PGM2: variants seen among roughly 807,000 people sequenced by gnomAD.
PGM2 encodes the protein phosphopentomutase.
In PGM2, 57 loss-of-function variants were observed where a neutral mutation model predicts 74.6. The observed-to-expected ratio is 0.76, with a 90% CI of 0.62 to 0.95. The LOEUF (loss-of-function observed/expected upper bound fraction) is 0.95. PGM2 is among the 40% of genes least tolerant of loss of function. PGM2 has a pLI of 0.00. For missense variants in PGM2, 706 were observed against 741.9 expected (o/e 0.95, Z 0.56); for synonymous variants, 273 against 260.7 (o/e 1.05, Z -0.46).
chr4:37,840,960 G>GTATATATA (rs67564871), intron 6 of PGM2, among the ~76,000 whole-genome samples: 72 of 139,308 alleles, frequency 5.2e-4, no homozygotes, highest in Non-Finnish European at 7.5e-4. Flanking sequence ...GTGTGTGTGT[G>GTATATATA]TGTGTATATA....
chr4:37,851,987 G>T (rs1726054143), intron 12 of PGM2, among the ~76,000 whole-genome samples: 1 of 44,526 alleles, frequency 2.2e-5, no homozygotes, highest in African/African-American at 5.7e-5. Context: ...TTTGGAGACA[G>T]GGTCTTGCTG....
intron 13 of PGM2, among the ~76,000 whole-genome samples, chr4:37,860,571 G>A (rs1711739204): frequency 6.6e-6 from 1 of 152,194 alleles, no homozygotes; most frequent in African/African-American, 2.4e-5. Context: ...AGCTATTACA[G>A]TACTGTTTAG....
chr4:37,828,273 A>G (rs902681413), intron 1 of PGM2, among the ~76,000 whole-genome samples: 2 of 152,222 alleles, frequency 1.3e-5, no homozygotes, highest in African/African-American at 4.8e-5. Context: ...AAGAAGAAGA[A>G]AACAATCTAA....
chr4:37,838,688 G>C (rs1464152924), intron 4 of PGM2, among the ~76,000 whole-genome samples: 1 of 152,126 alleles, frequency 6.6e-6, no homozygotes, highest in Non-Finnish European at 1.5e-5. Flanking sequence ...TGTAGTTCAG[G>C]TTTCATTGTT....
At chr4:37,841,402 G>T (rs1325315861) in intron 6 of PGM2, among the ~76,000 whole-genome samples, 1 of 151,806 alleles carries the variant, frequency 6.6e-6, no homozygotes, top group Admixed American at 6.6e-5. Context: ...CCTCCTGATT[G>T]TCCCCCTAGC....
chr4:37,852,956 A>T (rs1726093515), intron 12 of PGM2, among the ~76,000 whole-genome samples: 1 of 152,146 alleles, frequency 6.6e-6, no homozygotes, highest in Non-Finnish European at 1.5e-5. Flanking sequence ...GTTATTTTTT[A>T]AAATAATCAC....
At chr4:37,826,924 C>T (rs1379979528) in intron 1 of PGM2, 111 bp downstream of exon 1, 7 of 652,440 alleles carry the variant, frequency 1.1e-5, no homozygotes, top group African/African-American at 3.8e-5. Context: ...CAGTGCATCC[C>T]GCTTCTCCCC....
chr4:37,834,558 T>C (rs1211792412), intron 2 of PGM2, 60 bp from the exon 3 acceptor site: 2 of 822,278 alleles, frequency 2.4e-6, no homozygotes, highest in Non-Finnish European at 3.9e-6. Flanking sequence ...CTAATTTTTC[T>C]ATATGGTATA....
chr4:37,830,374 G>A (rs1300067764), intron 2 of PGM2, among the ~76,000 whole-genome samples: 3 of 152,144 alleles, frequency 2.0e-5, no homozygotes, highest in African/African-American at 7.2e-5. Context: ...TACATACCAT[G>A]TGCCAGCACT....
chr4:37,847,145 T>G, intron 9 of PGM2, 34 bp downstream of exon 9: 1 of 1,600,070 alleles, frequency 6.2e-7, no homozygotes, highest in Non-Finnish European at 8.6e-7. Flanking sequence ...CATTTTCCTT[T>G]CATCTGCTCT....
At chr4:37,856,462 A>G (rs1321227951) in intron 13 of PGM2, among the ~76,000 whole-genome samples, 2 of 152,160 alleles carry the variant, frequency 1.3e-5, no homozygotes, top group Non-Finnish European at 2.9e-5. Context: ...CATTGTAGAC[A>G]GGTCTGTGCT....
At chr4:37,852,133 C>CT (rs778968323) in intron 12 of PGM2, among the ~76,000 whole-genome samples, 14,949 of 47,304 alleles carry the variant, frequency 0.32, 4,844 homozygotes, top group Non-Finnish European at 0.45. Flanking sequence ...ATGCCCAGCT[C>CT]TTTTTTTTTT....
rs545517022 is a variant in PGM2, at chr4:37,837,593, A to G, written c.421A>G (p.Ile141Val). Reference sequence around the variant, plus strand: ...GATTCCTGTGTACCTCTTTTCTGATATAACGCCAACCCCCTTTGTGGTAAG... The same window carrying G: ...GATTCCTGTGTACCTCTTTTCTGATGTAACGCCAACCCCCTTTGTGGTAAG... The part of the protein sequence containing the change: ...QGIPVYLFSD[I>V]TPTPFVPFTV... The change falls in exon 4 of 14, where the codon ATA (isoleucine) becomes GTA (valine). Residue 141 changes from isoleucine to valine, a missense_variant. Physicochemically the swap from Ile to Val is conservative, Grantham distance 29. Coordinates refer to ENST00000381967, the MANE Select transcript of PGM2 (RefSeq NM_018290.4). 17 of 1,611,238 alleles carry G rather than the reference A, an allele frequency of 1.1e-5. No individual in the cohort carries two copies. Among genetic ancestry groups the G allele is most frequent in the Non-Finnish European group, 1.4e-5 (17 of 1,177,450 alleles).
At position 37,861,543 on chromosome 4, in the gene PGM2, A is replaced by G. The variant is rs1187755732; in HGVS notation, c.1770A>G (p.Glu590=). The change falls in exon 14 of 14, where the codon GAA becomes GAG. Residue 590 remains glutamate (E), a synonymous_variant. Transcript: ENST00000381967. The part of the protein sequence containing the change: ...DPEQLKKELN[E]LVSAIEEHFF... ...AGCAGCTGAAGAAGGAACTGAATGA[A>G]CTGGTCAGTGCTATTGAAGAACATT... 6.2e-7 allele frequency: 1 copy of G among 1,612,882 alleles called. No homozygotes were observed.
At chr4:37,854,754 G>A (rs1726146014) in intron 12 of PGM2, among the ~76,000 whole-genome samples, 1 of 151,368 alleles carries the variant, frequency 6.6e-6, no homozygotes, top group African/African-American at 2.4e-5. Context: ...TCTAGTTTGA[G>A]GTTTTTTTTT....
intron 1 of PGM2, among the ~76,000 whole-genome samples, chr4:37,828,210 T>C (rs974413485): frequency 1.3e-5 from 2 of 152,060 alleles, no homozygotes; most frequent in African/African-American, 4.8e-5. Context: ...ACTTGTAGCT[T>C]GCAGAGTACA....
intron 13 of PGM2, 128 bp from the exon 14 acceptor site, chr4:37,861,382 C>CA: frequency 1.6e-6 from 1 of 622,008 alleles, no homozygotes; most frequent in Admixed American, 2.4e-5. Context: ...CTGGAGTTCT[C>CA]TTTTTTTTCC....
rs1481330825 is a variant in PGM2, at chr4:37,826,760, G to C, written c.28G>C (p.Gly10Arg). The C allele has an allele frequency of 1.9e-6, 3 of 1,549,924 alleles. No homozygotes were observed. The highest frequency in any genetic ancestry group is 1.7e-6 in the Non-Finnish European group (2 of 1,146,508). The change falls in exon 1 of 14, where the codon GGC becomes CGC. Residue 10 changes from glycine (G) to arginine (R), a missense_variant. Gly to Arg is a moderately radical substitution (Grantham distance 125). This residue lies in a region of PGM2 where 332 missense variants were observed against 334.9 expected (regional missense o/e 0.99). Transcript: ENST00000381967. ...GGCGGCTCCAGAAGGCAGCGGTCTA[G>C]GCGAGGACGCCCGGCTGGACCAGGA... MAAPEGSGL[G>R]EDARLDQETA...
At chr4:37,857,750 C>CA (rs1459786343) in intron 13 of PGM2, among the ~76,000 whole-genome samples, 3 of 152,298 alleles carry the variant, frequency 2.0e-5, no homozygotes, top group Middle Eastern at 3.4e-3. Flanking sequence ...TGCAAAAACT[C>CA]AACTATTAAG....
Sources: allele counts gnomAD v4.1 joint callset (sites outside exome capture counted in the v4.1 genomes callset), GRCh38; gene constraint gnomAD v4.1.1; regional missense constraint gnomAD v4.1.1; transcripts MANE v1.5; gene names NCBI Gene and HGNC (gene_info 2026-07-23, HGNC 2026-07-21).